The following CHEK1 variants were observed in gnomAD, a reference collection of about 807,000 sequenced individuals.
The protein encoded by CHEK1 is checkpoint kinase 1, also known as serine/threonine-protein kinase Chk1.
A neutral mutation model predicts 60.2 loss-of-function variants in CHEK1; 32 were observed. The observed-to-expected ratio is 0.53, with a 90% CI of 0.40 to 0.71. CHEK1 has a LOEUF of 0.71. Ranked by LOEUF, CHEK1 falls within the 30% of genes least tolerant of loss-of-function variation. The probability of loss-of-function intolerance (pLI) is 0.00; values close to 1 mark genes in which losing one functional copy is unlikely to be tolerated. For synonymous variants in CHEK1, 179 were observed against 187.2 expected, an observed-to-expected ratio of 0.96 and a Z score of 0.36; for missense variants, 399 against 564.6, an observed-to-expected ratio of 0.71 and a Z score of 2.97.
intron 2 of CHEK1, 89 bp downstream of exon 2, chr11:125,626,922 T>C: frequency 1.4e-6 from 2 of 1,422,086 alleles, no homozygotes; most frequent in East Asian, 4.6e-5. Flanking sequence ...AGTAGATGTT[T>C]GAGATCCAAG....
At chr11:125,679,519 A>C (rs1942701660), downstream of CHEK1, among the ~76,000 whole-genome samples, 4 of 152,144 alleles carry the variant, frequency 2.6e-5, no homozygotes. Context: ...TGTCTGGCCA[A>C]TCCATCTCAT....
chr11:125,665,549 A>T (rs1287800081), intron 13 of CHEK1, among the ~76,000 whole-genome samples: 1 of 152,074 alleles, frequency 6.6e-6, no homozygotes, highest in Non-Finnish European at 1.5e-5. Context: ...GTTTGGGTAG[A>T]ATTGATATTA....
chr11:125,654,648 C>T (rs931560857), intron 12 of CHEK1, among the ~76,000 whole-genome samples: 46 of 152,024 alleles, frequency 3.0e-4, no homozygotes, highest in African/African-American at 1.0e-3. Context: ...ACCAAAATAA[C>T]ATTTTTCTCT....
rs575104641 is a variant in CHEK1 at position 125,644,778 on chromosome 11, G to A, written c.1233+135G>A. 5.1e-6 allele frequency: 5 copies of A among 980,168 alleles called. No homozygotes were observed. In the South Asian group the frequency reaches 8.8e-5, roughly 17 times the overall value. 60.7% of individuals were successfully genotyped at this position (980,168 alleles called of 1,614,324 possible). A position where few individuals can be genotyped will look rare whatever the true frequency, so the allele number is the denominator to read the frequency against. On this transcript the variant is annotated intron_variant, in intron 11 of 12. Coordinates refer to ENST00000438015, the MANE Select transcript of CHEK1 (RefSeq NM_001114122.3). ...AATCCCAGCTTTTTGGGAGGCTGGG[G>A]TGGGCGGATCACCTGAGGTCAGGGG...
At chr11:125,640,072 T>A (rs1037744290) in intron 8 of CHEK1, among the ~76,000 whole-genome samples, 3 of 152,252 alleles carry the variant, frequency 2.0e-5, no homozygotes, top group Non-Finnish European at 4.4e-5. Flanking sequence ...TGAATATTCC[T>A]AAAATTGCTT....
At chr11:125,657,186 C>CG (rs1941925615), downstream of CHEK1, 1 of 65,014 alleles carries the variant, frequency 1.5e-5, no homozygotes, top group Admixed American at 1.9e-4. Context: ...TCAACCTATG[C>CG]TTGTGTGTGT....
Position 125,625,678 on chromosome 11 carries a change from C to G in CHEK1, c.-355C>G, listed in dbSNP as rs1008550582. On this transcript the variant is annotated 5_prime_UTR_variant, in exon 1 of 13. Transcript: ENST00000438015. The stretch of plus-strand genomic sequence containing the variant: ...CCTGAGGCTTGGAGGCCTGGGCTTC[C>G]CCCAGCAGCGCTCGAGCACCGCCCA... 41 of 621,258 alleles carry G rather than the reference C, an allele frequency of 6.6e-5. No individual in the cohort carries two copies. The East Asian group carries it at 8.5e-4, about 13-fold the overall frequency. 38.5% of individuals were successfully genotyped at this position (621,258 alleles called of 1,614,324 possible).
intron 6 of CHEK1, among the ~76,000 whole-genome samples, chr11:125,633,998 G>GTTC (rs1555069060): frequency 7.9e-6 from 1 of 126,956 alleles, no homozygotes; most frequent in Non-Finnish European, 1.6e-5. Context: ...CTCTATTGTG[G>GTTC]TTTTTTTTTT....
At chr11:125,659,123 T>C (rs535586269), downstream of CHEK1, among the ~76,000 whole-genome samples, 42 of 152,052 alleles carry the variant, frequency 2.8e-4, no homozygotes, top group Non-Finnish European at 5.9e-4. Context: ...AAGATCATTA[T>C]TTTTTTTCAC....
At chr11:125,674,304 AT>A (rs1942374949) in intron 13 of CHEK1, among the ~76,000 whole-genome samples, 2 of 152,232 alleles carry the variant, frequency 1.3e-5, no homozygotes, top group Non-Finnish European at 2.9e-5. Context: ...TAAATGATTA[AT>A]TTTGGTATTT....
At chr11:125,627,416 G>A (rs759541644) in intron 2 of CHEK1, among the ~76,000 whole-genome samples, 191 bp from the exon 3 acceptor site, 6 of 152,164 alleles carry the variant, frequency 3.9e-5, no homozygotes, top group South Asian at 4.1e-4. Flanking sequence ...CGTCTTTGGA[G>A]GGTTAGCTAT....
At chr11:125,678,571 C>T (rs569712146), downstream of CHEK1, among the ~76,000 whole-genome samples, 1 of 152,066 alleles carries the variant, frequency 6.6e-6, no homozygotes, top group South Asian at 2.1e-4. Flanking sequence ...TAGGAGAATC[C>T]ACTCATCCAT....
chr11:125,643,800 A>C lies in CHEK1; in HGVS notation c.823A>C (p.Arg275=). The C allele has an allele frequency of 6.2e-7, 1 of 1,610,510 alleles. No individual in the cohort carries two copies. The highest frequency in any genetic ancestry group is 1.1e-5 in the South Asian group (1 of 90,082). ...TTTGTTTTCTTTTTTAGGGGCAAAA[A>C]GGCCCCGAGTCACTTCAGGTGGTGT... is the stretch of plus-strand genomic sequence containing the variant. The part of the protein sequence containing the change: ...YNKPLKKGAK[R]PRVTSGGVSE... The change falls in exon 9 of 13, where the codon AGG becomes CGG. Residue 275 remains arginine (R), a synonymous_variant. Coordinates refer to ENST00000438015, the MANE Select transcript of CHEK1 (RefSeq NM_001114122.3).
chr11:125,677,640 A>G (rs533485144), downstream of CHEK1, among the ~76,000 whole-genome samples: 4 of 152,258 alleles, frequency 2.6e-5, no homozygotes, highest in Admixed American at 2.6e-4. Flanking sequence ...GCCTCTTGGT[A>G]TGATTGTGAC....
chr11:125,629,115 GC>G, intron 3 of CHEK1, 116 bp from the exon 4 acceptor site: 1 of 904,614 alleles, frequency 1.1e-6, no homozygotes, highest in Admixed American at 2.1e-5. Context: ...TCTTTTGTTG[GC>G]ATTTGCTTCT....
At chr11:125,670,219 C>A (rs1942175880) in intron 13 of CHEK1, among the ~76,000 whole-genome samples, 1 of 152,130 alleles carries the variant, frequency 6.6e-6, no homozygotes, top group Non-Finnish European at 1.5e-5. Flanking sequence ...GTGTAAGATT[C>A]ATTGTCTGTT....
downstream of CHEK1, among the ~76,000 whole-genome samples, chr11:125,658,072 G>A (rs1565385458): frequency 6.6e-6 from 1 of 151,246 alleles, no homozygotes; most frequent in Non-Finnish European, 1.5e-5. Flanking sequence ...TTTTGTTAAT[G>A]TTTTTTTTTC....
At chr11:125,680,082 T>C (rs1458053809), downstream of CHEK1, among the ~76,000 whole-genome samples, 3 of 152,218 alleles carry the variant, frequency 2.0e-5, no homozygotes, top group Non-Finnish European at 4.4e-5. Context: ...GAGTCAACTT[T>C]TGAAGGTCTA....
At chr11:125,672,665 C>T in intron 13 of CHEK1, 1 of 1,614,146 alleles carries the variant, frequency 6.2e-7, no homozygotes, top group South Asian at 1.1e-5. Context: ...AGAAGAGGTT[C>T]ATAGATGGGC....
Sources: allele counts gnomAD v4.1 joint callset (sites outside exome capture counted in the v4.1 genomes callset), GRCh38; gene constraint gnomAD v4.1.1; transcripts MANE v1.5; gene names NCBI Gene and HGNC (gene_info 2026-07-23, HGNC 2026-07-21).